STK32B: variants seen among roughly 807,000 people sequenced by gnomAD.
STK32B encodes serine/threonine kinase 32B, also known as serine/threonine-protein kinase 32B.
A neutral mutation model predicts 52.6 loss-of-function variants in STK32B; 43 were observed. That is an observed-to-expected ratio of 0.82 (90% confidence interval 0.64 to 1.05). The LOEUF (loss-of-function observed/expected upper bound fraction) is 1.05, where lower values mean the gene tolerates loss of function less well. Ranked by LOEUF, STK32B falls within the 50% of genes least tolerant of loss-of-function variation. The pLI is 0.00. For synonymous variants in STK32B, 238 were observed against 204.3 expected, an observed-to-expected ratio of 1.17 and a Z score of -1.41; for missense variants, 621 against 534.6, an observed-to-expected ratio of 1.16 and a Z score of -1.59.
intron 3 of STK32B, among the ~76,000 whole-genome samples, chr4:5,259,015 G>A (rs1726525709): frequency 6.6e-6 from 1 of 152,040 alleles, no homozygotes; most frequent in Non-Finnish European, 1.5e-5. Context: ...TGAGCCTGTT[G>A]TACCCTCTTC....
chr4:5,472,725 CTTGAAAATATCACA>C (rs1236966083), intron 11 of STK32B, among the ~76,000 whole-genome samples: 1 of 152,154 alleles, frequency 6.6e-6, no homozygotes, highest in East Asian at 1.9e-4. Flanking sequence ...CCCTGGAGTC[CTTGAAAATATCACA>C]TTTAAAAAAT....
At chr4:5,187,522 GTC>G (rs900715654) in intron 3 of STK32B, among the ~76,000 whole-genome samples, 14 of 149,672 alleles carry the variant, frequency 9.4e-5, no homozygotes, top group Admixed American at 8.8e-4. Flanking sequence ...GCCAACAAGA[GTC>G]AGTACTGGGA....
intron 6 of STK32B, among the ~76,000 whole-genome samples, chr4:5,444,719 C>G (rs1179113662): frequency 6.6e-6 from 1 of 152,204 alleles, no homozygotes; most frequent in African/African-American, 2.4e-5. Context: ...TCCTGCTAAA[C>G]TCTTAGTATA....
At chr4:5,178,843 A>C (rs1457716357) in intron 3 of STK32B, among the ~76,000 whole-genome samples, 2 of 152,194 alleles carry the variant, frequency 1.3e-5, no homozygotes, top group Non-Finnish European at 2.9e-5. Context: ...TTTGGGCAAA[A>C]CCAACAAGTC....
intron 3 of STK32B, among the ~76,000 whole-genome samples, chr4:5,186,197 C>T (rs1174451418): frequency 6.6e-6 from 1 of 152,162 alleles, no homozygotes; most frequent in African/African-American, 2.4e-5. Context: ...CCTCCATCAG[C>T]CCTCCTCGGG....
At chr4:5,483,625 G>C (rs1476853983) in intron 11 of STK32B, among the ~76,000 whole-genome samples, 1 of 152,028 alleles carries the variant, frequency 6.6e-6, no homozygotes, top group African/African-American at 2.4e-5. Context: ...CTTGCCTTCT[G>C]CTAGCTTTTG....
intron 5 of STK32B, among the ~76,000 whole-genome samples, chr4:5,411,905 T>C (rs1200292331): frequency 6.6e-6 from 1 of 152,176 alleles, no homozygotes; most frequent in African/African-American, 2.4e-5. Context: ...CTCTCTGTGG[T>C]AGTGCATTTC....
At chr4:5,118,224 C>T (rs1016435782) in intron 1 of STK32B, among the ~76,000 whole-genome samples, 7 of 152,082 alleles carry the variant, frequency 4.6e-5, no homozygotes, top group East Asian at 1.9e-4. Flanking sequence ...CTTCCTGATT[C>T]GATCTGTCTT....
intron 6 of STK32B, among the ~76,000 whole-genome samples, chr4:5,429,856 G>A (rs1390862333): frequency 2.0e-5 from 3 of 151,904 alleles, no homozygotes; most frequent in African/African-American, 7.3e-5. Flanking sequence ...CAGAACTCTG[G>A]GTTAAGAGGG....
chr4:5,201,127 G>T (rs997797392), intron 3 of STK32B, among the ~76,000 whole-genome samples: 4 of 152,228 alleles, frequency 2.6e-5, no homozygotes, highest in African/African-American at 9.6e-5. Flanking sequence ...AGTTGAATGG[G>T]TCTCTCTTCC....
the STK32B span, among the ~76,000 whole-genome samples, chr4:5,033,421 A>G: frequency 6.6e-6 from 1 of 152,154 alleles, no homozygotes; most frequent in South Asian, 2.1e-4. Context: ...GTGTCCTTTC[A>G]GGAAGCCCCG....
intron 4 of STK32B, among the ~76,000 whole-genome samples, chr4:5,340,036 A>G (rs1577369391): frequency 6.6e-6 from 1 of 152,224 alleles, no homozygotes; most frequent in African/African-American, 2.4e-5. Context: ...GTGCCCAAGC[A>G]GGGAAATGCC....
intron 3 of STK32B, among the ~76,000 whole-genome samples, chr4:5,224,243 C>G (rs62298559): frequency 0.078 from 11,827 of 152,154 alleles, 645 homozygotes; most frequent in Admixed American, 0.19. Flanking sequence ...TGTGTTCTTT[C>G]CAAAATTCAG....
chr4:5,476,325 TTC>T (rs760828834), intron 11 of STK32B, among the ~76,000 whole-genome samples: 1 of 152,236 alleles, frequency 6.6e-6, no homozygotes, highest in Non-Finnish European at 1.5e-5. Flanking sequence ...CAAGCCCATT[TTC>T]TGTTTCACTA....
intron 6 of STK32B, among the ~76,000 whole-genome samples, chr4:5,436,314 T>C (rs1444618508): frequency 6.6e-6 from 1 of 152,132 alleles, no homozygotes; most frequent in African/African-American, 2.4e-5. Flanking sequence ...AATATTGATG[T>C]CATAATCCCT....
At chr4:5,248,646 A>C (rs1218920242) in intron 3 of STK32B, among the ~76,000 whole-genome samples, 2 of 152,158 alleles carry the variant, frequency 1.3e-5, no homozygotes, top group African/African-American at 4.8e-5. Context: ...GTGCCTTACT[A>C]TTCACAATAG....
At chr4:5,237,218 C>T (rs1284137049) in intron 3 of STK32B, among the ~76,000 whole-genome samples, 1 of 152,182 alleles carries the variant, frequency 6.6e-6, no homozygotes, top group Non-Finnish European at 1.5e-5. Context: ...GAGCCACTCC[C>T]TGTGATGGGA....
At position 5,331,359 on chromosome 4, in the gene STK32B, C is replaced by A. The variant is rs1221811613; in HGVS notation, c.400C>A (p.Leu134Met). The change falls in exon 4 of 12, where the codon CTG becomes ATG. Residue 134 changes from leucine to methionine, a missense_variant. Transcript: ENST00000282908. ...KLYICELALA[L>M]EYLQRYHIIH... The stretch of plus-strand genomic sequence containing the variant: ...CTACATCTGTGAGCTGGCACTGGCC[C>A]TGGAGTATCTTCAGAGGTACCACAT... 2 of 1,613,494 alleles carry A rather than the reference C, an allele frequency of 1.2e-6. No individual in the cohort carries two copies. The highest frequency in any genetic ancestry group is 3.3e-5 in the Admixed American group (2 of 59,974).
the STK32B span, among the ~76,000 whole-genome samples, chr4:5,040,418 G>C: frequency 2.3e-5 from 3 of 127,888 alleles, no homozygotes; most frequent in African/African-American, 3.2e-5. Flanking sequence ...TTTTTGAGAC[G>C]AAGTCTCGCT....
Sources: gnomAD v4.1 joint callset for allele counts (sites outside exome capture counted in the v4.1 genomes callset) on GRCh38, gnomAD v4.1.1 for gene constraint, MANE v1.5 for transcripts, NCBI Gene and HGNC (gene_info 2026-07-23, HGNC 2026-07-21) for gene names.